The following TMTC1 variants were observed in gnomAD, a reference collection of about 807,000 sequenced individuals.
TMTC1 encodes the protein transmembrane O-mannosyltransferase targeting cadherins 1, also known as protein O-mannosyl-transferase TMTC1.
Under a neutral mutation model 104.8 loss-of-function variants are expected in TMTC1, and 73 were observed. The observed-to-expected ratio is 0.70, with a 90% CI of 0.58 to 0.85. TMTC1 has a LOEUF of 0.85. Ranked by LOEUF, TMTC1 falls within the 40% of genes least tolerant of loss-of-function variation. TMTC1 has a pLI of 0.00. For missense variants in TMTC1, 1,035 were observed against 1,096.1 expected, an observed-to-expected ratio of 0.94 and a Z score of 0.79; for synonymous variants, 434 against 428.7, an observed-to-expected ratio of 1.01 and a Z score of -0.15.
intron 7 of TMTC1, among the ~76,000 whole-genome samples, chr12:29,594,074 C>A (rs571074146): frequency 8.1e-4 from 124 of 152,354 alleles, no homozygotes; most frequent in Middle Eastern, 3.4e-3. Flanking sequence ...GGTGCCTTTA[C>A]TCCAGGACTG....
In TMTC1 at chr12:29,715,126, A is replaced by T. The variant is rs200993087; in HGVS notation, c.938+36540T>A. ...AAGAAAATGACTACATATACTGGAGAAAAATCATTTTGCAAGTGAGATGGT... is the reference window on the plus strand; with the variant it reads ...AAGAAAATGACTACATATACTGGAGTAAAATCATTTTGCAAGTGAGATGGT... On this transcript the variant is annotated intron_variant, in intron 5 of 17. Coordinates refer to ENST00000539277, the MANE Select transcript of TMTC1 (RefSeq NM_001193451.2). 1.4e-4 allele frequency among the ~76,000 whole-genome samples: 22 copies of T among 152,348 alleles called. No homozygotes were observed. In the East Asian group the frequency reaches 4.2e-3, roughly 29 times the overall value.
chr12:29,772,593 A>G (rs1943619306), intron 1 of TMTC1, among the ~76,000 whole-genome samples: 1 of 152,186 alleles, frequency 6.6e-6, no homozygotes, highest in Admixed American at 6.5e-5. Flanking sequence ...GCAATTTTCA[A>G]CTTTTAATAT....
chr12:29,660,251 C>G (rs887383096), intron 5 of TMTC1, among the ~76,000 whole-genome samples: 5 of 152,172 alleles, frequency 3.3e-5, no homozygotes, highest in Admixed American at 3.3e-4. Flanking sequence ...GACTACCCCT[C>G]TGGAAAAAGA....
In TMTC1 at chr12:29,583,226, T is replaced by C. The variant is rs12822845; in HGVS notation, c.1418+181A>G. ...GAAAGAGCTCATGTTAAGTTTTATA[T>C]ATCATTTTAAAAATCTAAAGTTAAA... On this transcript the variant is annotated intron_variant, in intron 8 of 17. Coordinates refer to ENST00000539277, the MANE Select transcript of TMTC1 (RefSeq NM_001193451.2). 9.4e-3 allele frequency among the ~76,000 whole-genome samples: 1,436 copies of C among 152,348 alleles called. 17 individuals carry two copies. Among genetic ancestry groups the C allele is most frequent in the South Asian group, 0.037 (177 of 4,828 alleles).
intron 5 of TMTC1, among the ~76,000 whole-genome samples, chr12:29,718,044 G>A (rs938224788): frequency 6.6e-6 from 1 of 152,122 alleles, no homozygotes; most frequent in Non-Finnish European, 1.5e-5. Flanking sequence ...AATAAGTAAA[G>A]GGAGGTAATA....
At chr12:29,510,701 T>C (rs1943809147) in intron 17 of TMTC1, among the ~76,000 whole-genome samples, 1 of 152,212 alleles carries the variant, frequency 6.6e-6, no homozygotes, top group South Asian at 2.1e-4. Flanking sequence ...GTTAGGACTT[T>C]GTTCAAATTT....
chr12:29,522,984 T>C (rs1036951505), intron 11 of TMTC1, among the ~76,000 whole-genome samples: 1 of 152,170 alleles, frequency 6.6e-6, no homozygotes, highest in South Asian at 2.1e-4. Flanking sequence ...CATAGCTACA[T>C]GGGGACAGAG....
intron 5 of TMTC1, among the ~76,000 whole-genome samples, chr12:29,638,109 C>T (rs1340876480): frequency 6.6e-6 from 1 of 152,074 alleles, no homozygotes; most frequent in African/African-American, 2.4e-5. Flanking sequence ...TAGGGCTCTA[C>T]CCTCAGGCTT....
At chr12:29,727,693 T>C (rs975933175) in intron 5 of TMTC1, among the ~76,000 whole-genome samples, 1 of 152,162 alleles carries the variant, frequency 6.6e-6, no homozygotes, top group Non-Finnish European at 1.5e-5. Context: ...TTATTTTGAA[T>C]GTCAAATATT....
chr12:29,529,267 A>T (rs953696818), intron 11 of TMTC1, among the ~76,000 whole-genome samples: 1 of 152,186 alleles, frequency 6.6e-6, no homozygotes, highest in Non-Finnish European at 1.5e-5. Context: ...ATTAGCAAAC[A>T]GATTAACAGA....
intron 10 of TMTC1, among the ~76,000 whole-genome samples, chr12:29,551,203 A>T (rs1161346315): frequency 2.0e-5 from 3 of 152,136 alleles, no homozygotes; most frequent in Non-Finnish European, 4.4e-5. Context: ...TTCTTTATCC[A>T]TGTGGCTGGC....
intron 5 of TMTC1, among the ~76,000 whole-genome samples, chr12:29,727,363 ATTTATT>A (rs147124020): frequency 0.12 from 18,167 of 151,848 alleles, 1,234 homozygotes; most frequent in Admixed American, 0.22. Context: ...GTATTTATTT[ATTTATT>A]TTTATTTTTA....
At chr12:29,602,954 G>C (rs1020073157) in intron 7 of TMTC1, among the ~76,000 whole-genome samples, 1 of 152,142 alleles carries the variant, frequency 6.6e-6, no homozygotes, top group Non-Finnish European at 1.5e-5. Context: ...ACTGGTCTAA[G>C]CAAAAACATA....
intron 1 of TMTC1, among the ~76,000 whole-genome samples, chr12:29,778,478 C>G (rs1019757788): frequency 5.3e-5 from 8 of 152,152 alleles, no homozygotes; most frequent in African/African-American, 1.7e-4. Context: ...TCAATTCACC[C>G]TCTACAGAGT....
intron 6 of TMTC1, among the ~76,000 whole-genome samples, chr12:29,608,687 AGCATCCCCCTGAGCT>A (rs1484422883): frequency 6.6e-6 from 1 of 152,136 alleles, no homozygotes; most frequent in Non-Finnish European, 1.5e-5. Context: ...AAGAGAGAAA[AGCATCCCCCTGAGCT>A]GCAAAGAGGT....
Position 29,783,817 on chromosome 12 carries a change from C to T in TMTC1, c.-66G>A. ...GTCTGGCATCCTCCCCTACCGGGGC[C>T]CCGGCGGCGCGCGGCGTCTGCCCGG... On this transcript the variant is annotated 5_prime_UTR_variant, in exon 1 of 18. Transcript: ENST00000539277. The surrounding 1 kb of genome is among the most constrained non-coding windows in gnomAD (Gnocchi z 4.7). 1 of 1,107,300 alleles carries T rather than the reference C, an allele frequency of 9.0e-7. No homozygotes were observed. The highest frequency in any genetic ancestry group is 5.1e-5 in the Admixed American group (1 of 19,758). 68.6% of individuals were successfully genotyped at this position (1,107,300 alleles called of 1,614,324 possible).
At chr12:29,537,087 A>C (rs1592193573) in intron 10 of TMTC1, among the ~76,000 whole-genome samples, 1 of 152,330 alleles carries the variant, frequency 6.6e-6, no homozygotes, top group Non-Finnish European at 1.5e-5. Context: ...TTTGGGGCCA[A>C]AAATGTACAG....
chr12:29,644,819 C>A (rs757190708), intron 5 of TMTC1, among the ~76,000 whole-genome samples: 4 of 152,140 alleles, frequency 2.6e-5, no homozygotes, highest in African/African-American at 9.7e-5. Context: ...CATTTCTGAC[C>A]GCAGCACCTG....
At chr12:29,777,132 G>T (rs1015922449) in intron 1 of TMTC1, among the ~76,000 whole-genome samples, 5 of 151,814 alleles carry the variant, frequency 3.3e-5, no homozygotes, top group African/African-American at 1.2e-4. Flanking sequence ...GTCTCGCTCT[G>T]TTGCCAGGCT....
Sources: allele counts gnomAD v4.1 joint callset (sites outside exome capture counted in the v4.1 genomes callset), GRCh38; gene constraint gnomAD v4.1.1; non-coding constraint Gnocchi (gnomAD v3.1); transcripts MANE v1.5; gene names NCBI Gene and HGNC (gene_info 2026-07-23, HGNC 2026-07-21).